CRB1: variants seen among roughly 807,000 people sequenced by gnomAD.
CRB1 encodes the protein protein crumbs homolog 1.
In CRB1, 83 loss-of-function variants were observed where a neutral mutation model predicts 120.0. That is an observed-to-expected ratio of 0.69 (90% CI 0.58 to 0.83). The LOEUF (loss-of-function observed/expected upper bound fraction) is 0.83. CRB1 is among the 40% of genes least tolerant of loss of function. The pLI, the probability that CRB1 is intolerant of heterozygous loss-of-function variation, is 0.00. For synonymous variants in CRB1, 625 were observed against 612.5 expected, an observed-to-expected ratio of 1.02 and a Z score of -0.30; for missense variants, 1,699 against 1,687.6, an observed-to-expected ratio of 1.01 and a Z score of -0.12.
At chr1:197,457,234 T>A (rs1666323976) in intron 11 of CRB1, among the ~76,000 whole-genome samples, 1 of 152,086 alleles carries the variant, frequency 6.6e-6, no homozygotes, top group Admixed American at 6.6e-5. Context: ...ATACTAATAG[T>A]GGCTAATATT....
intron 1 of CRB1, among the ~76,000 whole-genome samples, chr1:197,278,083 T>C (rs1655315933): frequency 6.6e-6 from 1 of 151,996 alleles, no homozygotes; most frequent in Non-Finnish European, 1.5e-5. Flanking sequence ...TTCATTGCTA[T>C]AGTGAATGTT....
At position 197,421,583 on chromosome 1, in the gene CRB1, C is replaced by T. The variant is rs1034422363; in HGVS notation, c.1755C>T (p.Asp585=). Residue 585 remains aspartate (D), a synonymous_variant, in exon 6 of 12, where the codon GAC becomes GAT. Coordinates refer to ENST00000367400, the MANE Select transcript of CRB1 (RefSeq NM_201253.3). ...AEAVTLTLID[D]SCKEKCIAKA... Reference sequence around the variant, plus strand: ...CTGTGACCCTTACCTTAATCGACGACTCCTGTAAGGAGAAATGCATCGCGA... The same window carrying T: ...CTGTGACCCTTACCTTAATCGACGATTCCTGTAAGGAGAAATGCATCGCGA... 2 of 1,614,216 alleles carry T rather than the reference C, an allele frequency of 1.2e-6. No individual in the cohort carries two copies. The highest frequency in any genetic ancestry group is 1.7e-6 in the Non-Finnish European group (2 of 1,180,038).
chr1:197,265,403 T>C (rs1654610331), upstream of CRB1, among the ~76,000 whole-genome samples: 1 of 151,832 alleles, frequency 6.6e-6, no homozygotes, highest in Non-Finnish European at 1.5e-5. Context: ...CTTCCTTCTT[T>C]TCTTATCTTT....
intron 11 of CRB1, among the ~76,000 whole-genome samples, chr1:197,451,361 T>C (rs1416637379): frequency 6.6e-6 from 1 of 152,194 alleles, no homozygotes; most frequent in East Asian, 1.9e-4. Flanking sequence ...CAAAGTGTAG[T>C]ACACAGGGCT....
At chr1:197,298,206 G>A (rs370957224) in intron 1 of CRB1, among the ~76,000 whole-genome samples, 1 of 152,130 alleles carries the variant, frequency 6.6e-6, no homozygotes, top group Non-Finnish European at 1.5e-5. Flanking sequence ...AAAATAAAGA[G>A]AGGCAAGACC....
intron 1 of CRB1, among the ~76,000 whole-genome samples, chr1:197,322,583 A>G (rs920750300): frequency 1.3e-5 from 2 of 152,118 alleles, no homozygotes; most frequent in South Asian, 2.1e-4. Flanking sequence ...CGTTGTTAAC[A>G]TGGTTACAGA....
the CRB1 span, among the ~76,000 whole-genome samples, chr1:197,235,807 G>A: frequency 1.3e-5 from 2 of 152,156 alleles, no homozygotes. Context: ...GAATACTGTG[G>A]CTTTTTTCTT....
the CRB1 span, among the ~76,000 whole-genome samples, chr1:197,255,411 A>G: frequency 4.2e-4 from 64 of 152,174 alleles, 1 homozygote; most frequent in East Asian, 0.012. Context: ...GTATCCTGCC[A>G]ATAAATTCTT....
intron 2 of CRB1, among the ~76,000 whole-genome samples, chr1:197,333,686 C>T (rs1167130410): frequency 2.0e-5 from 3 of 152,018 alleles, no homozygotes; most frequent in African/African-American, 7.3e-5. Context: ...GATGAATTTC[C>T]TTGCAGAAAT....
intron 5 of CRB1, among the ~76,000 whole-genome samples, chr1:197,390,002 A>T (rs894866734): frequency 1.3e-5 from 2 of 152,136 alleles, no homozygotes; most frequent in Non-Finnish European, 2.9e-5. Flanking sequence ...AACAAAAACA[A>T]CTGTGAACTT....
At chr1:197,464,204 T>C (rs1666653715) in intron 11 of CRB1, among the ~76,000 whole-genome samples, 1 of 152,090 alleles carries the variant, frequency 6.6e-6, no homozygotes, top group Non-Finnish European at 1.5e-5. Context: ...ACGCCGTCAG[T>C]GGAATGTAAA....
At chr1:197,303,209 G>A (rs1166684689) in intron 1 of CRB1, among the ~76,000 whole-genome samples, 2 of 150,420 alleles carry the variant, frequency 1.3e-5, no homozygotes, top group Admixed American at 1.3e-4. Flanking sequence ...GTATACATGT[G>A]CCATGCTGGT....
chr1:197,350,636 T>C lies in CRB1; in HGVS notation c.988+3157T>C, dbSNP rs1052222899. 2.0e-5 allele frequency among the ~76,000 whole-genome samples: 3 copies of C among 152,318 alleles called. No individual in the cohort carries two copies. The South Asian group carries it at 6.2e-4, about 32-fold the overall frequency. ...GCCTAAATTCTAGTAGCGAGACATA[T>C]GTCAAAACGTATATAGTACAATTTT... is the stretch of plus-strand genomic sequence containing the variant. On this transcript the variant is annotated intron_variant, in intron 4 of 11. Coordinates refer to ENST00000367400, the MANE Select transcript of CRB1 (RefSeq NM_201253.3).
chr1:197,334,757 G>A (rs753284076), intron 2 of CRB1, among the ~76,000 whole-genome samples: 25 of 152,180 alleles, frequency 1.6e-4, no homozygotes, highest in South Asian at 4.2e-4. Flanking sequence ...AATATTTGTC[G>A]AATTCATTAG....
intron 3 of CRB1, among the ~76,000 whole-genome samples, chr1:197,346,596 A>G (rs1659789330): frequency 6.6e-6 from 1 of 152,138 alleles, no homozygotes; most frequent in Admixed American, 6.5e-5. Context: ...TTTTCCCAAG[A>G]CCCTCATTTT....
At chr1:197,467,215 A>T (rs943931420) in intron 11 of CRB1, among the ~76,000 whole-genome samples, 3 of 152,090 alleles carry the variant, frequency 2.0e-5, no homozygotes, top group African/African-American at 7.2e-5. Flanking sequence ...AAAAATGCAA[A>T]CCTAAAGAGA....
At chr1:197,314,893 A>G (rs1304424776) in intron 1 of CRB1, among the ~76,000 whole-genome samples, 2 of 152,172 alleles carry the variant, frequency 1.3e-5, no homozygotes, top group East Asian at 1.9e-4. Flanking sequence ...TCAGAGACCC[A>G]TGATGATTAA....
chr1:197,297,317 A>T (rs981293192), intron 1 of CRB1, among the ~76,000 whole-genome samples: 1 of 152,020 alleles, frequency 6.6e-6, no homozygotes, highest in African/African-American at 2.4e-5. Flanking sequence ...TTGTGCTATT[A>T]TACATATATT....
intron 2 of CRB1, among the ~76,000 whole-genome samples, chr1:197,339,097 G>C (rs557371786): frequency 1.1e-4 from 16 of 152,320 alleles, no homozygotes; most frequent in Non-Finnish European, 2.4e-4. Flanking sequence ...CTTAGGAAAG[G>C]TGTGTCTAAA....
Sources: gnomAD v4.1 joint callset for allele counts (sites outside exome capture counted in the v4.1 genomes callset) on GRCh38, gnomAD v4.1.1 for gene constraint, MANE v1.5 for transcripts, NCBI Gene and HGNC (gene_info 2026-07-23, HGNC 2026-07-21) for gene names.